Variants in SEMA5A observed in about 807,000 individuals in gnomAD.
SEMA5A encodes the protein semaphorin-5A.
SEMA5A carries 55 observed loss-of-function variants against 135.5 expected under a neutral mutation model. That is an observed-to-expected ratio of 0.41 (90% CI 0.33 to 0.51). SEMA5A has a LOEUF of 0.51. Ranked by LOEUF, SEMA5A falls within the 20% of genes least tolerant of loss-of-function variation. The probability of loss-of-function intolerance (pLI) is 0.37; values close to 1 mark genes in which losing one functional copy is unlikely to be tolerated. For synonymous variants in SEMA5A, 580 were observed against 546.5 expected, an observed-to-expected ratio of 1.06 and a Z score of -0.85; for missense variants, 1,290 against 1,419.9, an observed-to-expected ratio of 0.91 and a Z score of 1.47.
chr5:9,509,464 A>T (rs6891680), intron 1 of SEMA5A, among the ~76,000 whole-genome samples: 1,563 of 151,840 alleles, frequency 0.01, 24 homozygotes, highest in African/African-American at 0.036. Context: ...TAGTAGAGAC[A>T]GGTTTTCATC....
chr5:9,222,774 A>C (rs758084124), intron 8 of SEMA5A, among the ~76,000 whole-genome samples: 5 of 152,218 alleles, frequency 3.3e-5, no homozygotes, highest in Non-Finnish European at 7.3e-5. Context: ...ATGGAAAAGG[A>C]GAATTCACAG....
intron 11 of SEMA5A, among the ~76,000 whole-genome samples, chr5:9,168,940 T>A (rs1404899580): frequency 6.6e-6 from 1 of 152,166 alleles, no homozygotes; most frequent in African/African-American, 2.4e-5. Context: ...AGAGTTACAT[T>A]TAACACACAT....
chr5:9,195,757 A>T (rs1388710860), intron 10 of SEMA5A, among the ~76,000 whole-genome samples: 1 of 152,252 alleles, frequency 6.6e-6, no homozygotes, highest in African/African-American at 2.4e-5. Context: ...AACTCTTTCA[A>T]AACAATCATA....
intron 5 of SEMA5A, among the ~76,000 whole-genome samples, chr5:9,297,354 T>A (rs1751389148): frequency 6.6e-6 from 1 of 152,002 alleles, no homozygotes; most frequent in Non-Finnish European, 1.5e-5. Flanking sequence ...AATCCTAACC[T>A]CTCAAGGCCT....
At chr5:9,048,666 C>A (rs945648371) in intron 21 of SEMA5A, among the ~76,000 whole-genome samples, 2 of 152,172 alleles carry the variant, frequency 1.3e-5, no homozygotes, top group African/African-American at 4.8e-5. Context: ...AAACCCTTCT[C>A]TATTTCCAGA....
intron 5 of SEMA5A, among the ~76,000 whole-genome samples, chr5:9,314,872 G>GT (rs1054518140): frequency 2.6e-5 from 4 of 152,064 alleles, no homozygotes; most frequent in African/African-American, 9.7e-5. Flanking sequence ...TAAAACCACA[G>GT]TTCAAAAAGT....
At chr5:9,291,533 T>C (rs917661135) in intron 5 of SEMA5A, among the ~76,000 whole-genome samples, 6 of 151,328 alleles carry the variant, frequency 4.0e-5, no homozygotes, top group African/African-American at 1.5e-4. Flanking sequence ...AATAAAGAGA[T>C]GACATGGTGG....
At chr5:9,050,903 A>C (rs1398708336) in intron 20 of SEMA5A, among the ~76,000 whole-genome samples, 2 of 152,194 alleles carry the variant, frequency 1.3e-5, no homozygotes, top group Non-Finnish European at 2.9e-5. Context: ...TCTCCAGAAC[A>C]AGTGAAGTCC....
At chr5:9,432,496 T>C (rs1212618234) in intron 2 of SEMA5A, among the ~76,000 whole-genome samples, 1 of 152,146 alleles carries the variant, frequency 6.6e-6, no homozygotes, top group East Asian at 1.9e-4. Flanking sequence ...AACCCCTCAT[T>C]ACCTATTATC....
intron 5 of SEMA5A, among the ~76,000 whole-genome samples, chr5:9,306,076 T>C (rs4235594): frequency 0.85 from 129,052 of 152,272 alleles, 56,899 homozygotes; most frequent in East Asian, 0.97. Context: ...ATTTTTAAGA[T>C]TTATCCCTTT....
intron 5 of SEMA5A, among the ~76,000 whole-genome samples, chr5:9,248,619 A>G (rs1748606106): frequency 6.6e-6 from 1 of 152,136 alleles, no homozygotes; most frequent in Non-Finnish European, 1.5e-5. Context: ...TGAGATGGAG[A>G]CATTAATCTA....
intron 1 of SEMA5A, among the ~76,000 whole-genome samples, chr5:9,474,599 C>G (rs963179817): frequency 6.6e-6 from 1 of 152,210 alleles, no homozygotes; most frequent in Non-Finnish European, 1.5e-5. Context: ...ACGTGCAAGG[C>G]ACAGCGGCAT....
At chr5:9,125,194 T>C (rs1006304581) in intron 13 of SEMA5A, among the ~76,000 whole-genome samples, 1 of 152,194 alleles carries the variant, frequency 6.6e-6, no homozygotes, top group Non-Finnish European at 1.5e-5. Context: ...CCCTCCTTTC[T>C]AACCAACCCT....
chr5:9,323,297 T>C (rs1752711517), intron 4 of SEMA5A, among the ~76,000 whole-genome samples: 2 of 152,352 alleles, frequency 1.3e-5, no homozygotes, highest in East Asian at 3.9e-4. Context: ...GTATTTTTAT[T>C]ATGGCAAATT....
chr5:9,263,119 A>G (rs1749493341), intron 5 of SEMA5A, among the ~76,000 whole-genome samples: 1 of 151,446 alleles, frequency 6.6e-6, no homozygotes, highest in Non-Finnish European at 1.5e-5. Context: ...CAATATTTGT[A>G]TTTGAAGAAA....
At chr5:9,539,026 T>C (rs990658243) in intron 1 of SEMA5A, among the ~76,000 whole-genome samples, 13 of 152,364 alleles carry the variant, frequency 8.5e-5, no homozygotes, top group African/African-American at 2.4e-4. Flanking sequence ...TTTTAGTACA[T>C]GTACAGAGTT....
chr5:9,194,195 T>C (rs1285653775), intron 10 of SEMA5A, among the ~76,000 whole-genome samples: 2 of 152,192 alleles, frequency 1.3e-5, no homozygotes, highest in Non-Finnish European at 2.9e-5. Context: ...GACTGCAGCC[T>C]CTAACAGGGC....
At chr5:9,464,938 G>A (rs1345129696) in intron 1 of SEMA5A, among the ~76,000 whole-genome samples, 5 of 152,216 alleles carry the variant, frequency 3.3e-5, no homozygotes, top group South Asian at 2.1e-4. Flanking sequence ...GTCTGCAAGC[G>A]TGTGCGGACC....
At position 9,114,239 on chromosome 5, in the gene SEMA5A, C is replaced by A. The variant is rs373193917; in HGVS notation, c.1925+4759G>T. Reference sequence around the variant, plus strand: ...GTAGGATTCCACTTATGTGACATATCTATAATAGGCAAATTAGTAGAGACA... The same window carrying A: ...GTAGGATTCCACTTATGTGACATATATATAATAGGCAAATTAGTAGAGACA... On this transcript the variant is annotated intron_variant, in intron 15 of 22. Coordinates refer to ENST00000382496, the MANE Select transcript of SEMA5A (RefSeq NM_003966.3). 2.0e-5 allele frequency among the ~76,000 whole-genome samples: 3 copies of A among 152,014 alleles called. No homozygotes were observed. In the South Asian group the frequency reaches 6.2e-4, roughly 32 times the overall value.
Sources: allele counts gnomAD v4.1 joint callset (sites outside exome capture counted in the v4.1 genomes callset), GRCh38; gene constraint gnomAD v4.1.1; transcripts MANE v1.5; gene names NCBI Gene and HGNC (gene_info 2026-07-23, HGNC 2026-07-21).